The following ATG2B variants were observed in gnomAD, a reference collection of about 807,000 sequenced individuals.
The protein encoded by ATG2B is autophagy-related protein 2 homolog B.
A neutral mutation model predicts 241.3 loss-of-function variants in ATG2B; 121 were observed. The observed-to-expected ratio is 0.50, with a 90% confidence interval of 0.43 to 0.58. The LOEUF is 0.58. Ranked by LOEUF, ATG2B falls within the 20% of genes least tolerant of loss-of-function variation. The probability of loss-of-function intolerance (pLI) is 0.00; values close to 1 mark genes in which losing one functional copy is unlikely to be tolerated. For synonymous variants in ATG2B, 858 were observed against 876.6 expected, an observed-to-expected ratio of 0.98 and a Z score of 0.37; for missense variants, 2,306 against 2,491.6, an observed-to-expected ratio of 0.93 and a Z score of 1.59.
chr14:96,340,855 C>T (rs1453289495), intron 6 of ATG2B, among the ~76,000 whole-genome samples: 2 of 148,288 alleles, frequency 1.3e-5, no homozygotes, highest in Non-Finnish European at 3.0e-5. Flanking sequence ...GAAGTCGAGG[C>T]TGCAGTGAGC....
Position 96,281,228 on chromosome 14 carries a change from C to T in ATG2B, c.*4527G>A, listed in dbSNP as rs1304675112. 1.3e-5 allele frequency: 2 copies of T among 152,152 alleles called. No individual in the cohort carries two copies. Among genetic ancestry groups the T allele is most frequent in the Non-Finnish European group, 2.9e-5 (2 of 68,024 alleles). 9.4% of individuals were successfully genotyped at this position (152,152 alleles called of 1,614,324 possible). On this transcript the variant is annotated 3_prime_UTR_variant, in exon 42 of 42. Coordinates refer to ENST00000359933, the MANE Select transcript of ATG2B (RefSeq NM_018036.7). ...TTTTACACAAGTTTTGGGAACACTT[C>T]TTGGTGAAAGACAAGTGTTTAAAGC...
rs1340170420 is a variant in ATG2B at position 96,289,313 on chromosome 14, T to G, written c.6006+343A>C. 5.7e-6 allele frequency: 1 copy of G among 174,604 alleles called. No individual in the cohort carries two copies. Among genetic ancestry groups the G allele is most frequent in the East Asian group, 1.6e-4 (1 of 6,254 alleles). The allele number at this position is 174,604 out of a possible 1,614,324, so 10.8% of individuals were successfully genotyped here. ...GGTGGGAGATTCATCTGAAAAGTTC[T>G]AGTTCTTAAGCAAATCTGAGGTAAG... On this transcript the variant is annotated intron_variant, in intron 41 of 41. Coordinates refer to ENST00000359933, the MANE Select transcript of ATG2B (RefSeq NM_018036.7). The surrounding 1 kb of genome is among the most constrained non-coding windows in gnomAD (Gnocchi z 4.3).
At chr14:96,339,786 C>T (rs1316686340) in intron 6 of ATG2B, among the ~76,000 whole-genome samples, 1 of 151,806 alleles carries the variant, frequency 6.6e-6, no homozygotes, top group Non-Finnish European at 1.5e-5. Context: ...GTACACTGCT[C>T]AGGTGACAAG....
chr14:96,303,300 C>T (rs752199524), intron 32 of ATG2B, 45 bp from the exon 33 acceptor site: 2 of 1,370,256 alleles, frequency 1.5e-6, no homozygotes, highest in African/African-American at 3.0e-5. Context: ...CTTTACATTC[C>T]TTTTATTAAA....
chr14:96,333,473 C>A (rs534154056), intron 8 of ATG2B, among the ~76,000 whole-genome samples: 2 of 152,156 alleles, frequency 1.3e-5, no homozygotes, highest in African/African-American at 4.8e-5. Context: ...ACTACACAAT[C>A]AAAATCAAAA....
intron 1 of ATG2B, among the ~76,000 whole-genome samples, chr14:96,355,855 C>G (rs887436032): frequency 6.6e-6 from 1 of 151,988 alleles, no homozygotes; most frequent in South Asian, 2.1e-4. Context: ...GAATTCAAAT[C>G]GAGATAAGAC....
chr14:96,332,634 A>T lies in ATG2B; in HGVS notation c.1229T>A (p.Met410Lys), dbSNP rs773731064. 13 of 1,575,188 alleles carry T rather than the reference A, an allele frequency of 8.3e-6. No homozygotes were observed. Among genetic ancestry groups the T allele is most frequent in the Non-Finnish European group, 1.0e-5 (12 of 1,167,602 alleles). Residue 410 changes from methionine (M) to lysine (K), a missense_variant, in exon 9 of 42, where the codon ATG becomes AAG. By Grantham distance (95) the Met-to-Lys change is moderately conservative (BLOSUM62 -1). Transcript: ENST00000359933. ...ACTATGAGACATGTCCATATCAGCC[A>T]TGGAGAAGAATACTTCTTCTTCTAG... The part of the protein sequence containing the change: ...SSREEEVFFS[M>K]ADMDMSHSLS...
At chr14:96,359,877 T>C (rs930741211) in intron 1 of ATG2B, among the ~76,000 whole-genome samples, 5 of 152,186 alleles carry the variant, frequency 3.3e-5, no homozygotes, top group Non-Finnish European at 5.9e-5. Context: ...TTTCCAAATT[T>C]AGATTGAAAA....
Position 96,347,351 on chromosome 14 carries a change from A to T in ATG2B, c.163-10T>A, listed in dbSNP as rs772182049. On this transcript the variant is annotated splice_polypyrimidine_tract_variant and intron_variant, in intron 1 of 41. Coordinates refer to ENST00000359933, the MANE Select transcript of ATG2B (RefSeq NM_018036.7). ...AGATCTCATTGAGACACTAAGGAGA[A>T]AAAACAGGTTCATTATGAATCACAA... is the stretch of plus-strand genomic sequence containing the variant. The T allele has an allele frequency of 3.9e-6, 6 of 1,543,552 alleles. No homozygotes were observed. The highest frequency in any genetic ancestry group is 5.3e-6 in the Non-Finnish European group (6 of 1,131,906).
In ATG2B at chr14:96,336,611, A is replaced by T. The variant is rs1403231812; in HGVS notation, c.925-2110T>A. Among the ~76,000 whole-genome samples the T allele has an allele frequency of 2.0e-5, 3 of 152,240 alleles. No individual in the cohort carries two copies. The East Asian group carries it at 5.8e-4, about 29-fold the overall frequency. ...TACAAATCAACACATCATGTACAAAAGTTTGGGTTTACATAAATATAAAAG... is the reference window on the plus strand; with the variant it reads ...TACAAATCAACACATCATGTACAAATGTTTGGGTTTACATAAATATAAAAG... On this transcript the variant is annotated intron_variant, in intron 6 of 41. Transcript: ENST00000359933.
chr14:96,360,833 C>G (rs765330602), intron 1 of ATG2B, among the ~76,000 whole-genome samples: 12 of 148,576 alleles, frequency 8.1e-5, no homozygotes, highest in Non-Finnish European at 1.6e-4. Context: ...ATGGCTCATG[C>G]CTGTAATCTG....
intron 1 of ATG2B, among the ~76,000 whole-genome samples, chr14:96,362,266 T>A (rs984424348): frequency 6.6e-6 from 1 of 152,114 alleles, no homozygotes; most frequent in African/African-American, 2.4e-5. Flanking sequence ...CTTGTAAACA[T>A]ATAATCAAGC....
intron 1 of ATG2B, among the ~76,000 whole-genome samples, chr14:96,357,465 C>T (rs918577726): frequency 4.6e-5 from 7 of 152,128 alleles, no homozygotes; most frequent in Admixed American, 4.6e-4. Flanking sequence ...AGCTTCTCTA[C>T]CTGGATCTAA....
intron 1 of ATG2B, among the ~76,000 whole-genome samples, chr14:96,353,483 A>C (rs929593366): frequency 2.6e-5 from 4 of 151,974 alleles, no homozygotes; most frequent in African/African-American, 9.7e-5. Flanking sequence ...AAAATTAGCC[A>C]GGCATGGTGA....
chr14:96,337,843 G>A (rs906334315), intron 6 of ATG2B, among the ~76,000 whole-genome samples: 2 of 152,026 alleles, frequency 1.3e-5, no homozygotes. Context: ...GAATTGCATT[G>A]AATATGTGGA....
In ATG2B at chr14:96,282,064, T is replaced by C. The variant is rs1886213685; in HGVS notation, c.*3691A>G. Reference sequence around the variant, plus strand: ...TGTGCCTAGCATGATCCTGAAATGTTGAGATAAAAAGAAGTTGGCATTAAA... The same window carrying C: ...TGTGCCTAGCATGATCCTGAAATGTCGAGATAAAAAGAAGTTGGCATTAAA... On this transcript the variant is annotated 3_prime_UTR_variant, in exon 42 of 42. Transcript: ENST00000359933. 6.6e-6 allele frequency: 1 copy of C among 152,224 alleles called. No individual in the cohort carries two copies. Among genetic ancestry groups the C allele is most frequent in the South Asian group, 2.1e-4 (1 of 4,832 alleles). The allele number at this position is 152,224 out of a possible 1,614,324, so 9.4% of individuals were successfully genotyped here.
At chr14:96,333,976 C>A in intron 7 of ATG2B, 103 bp from the exon 8 acceptor site, 1 of 952,270 alleles carries the variant, frequency 1.1e-6, no homozygotes. Flanking sequence ...CAACTTAACA[C>A]CACAGTGCAA....
rs934559546 is a variant in ATG2B at position 96,289,955 on chromosome 14, C to A, written c.5857-150G>T. ...TTCTGCGTATCTGAATTCTTTACCA[C>A]AAGAATTGATGACTTTTATAACGAG... On this transcript the variant is annotated intron_variant, in intron 40 of 41. Coordinates refer to ENST00000359933, the MANE Select transcript of ATG2B (RefSeq NM_018036.7). This position sits in a 1 kb window ranked among gnomAD's most constrained non-coding sequence, Gnocchi z 4.3. The A allele has an allele frequency of 1.1e-6, 1 of 899,266 alleles. No homozygotes were observed. The highest frequency in any genetic ancestry group is 1.6e-6 in the Non-Finnish European group (1 of 611,580). 55.7% of individuals were successfully genotyped at this position (899,266 alleles called of 1,614,324 possible). A position where few individuals can be genotyped will look rare whatever the true frequency, so the allele number is the denominator to read the frequency against.
At chr14:96,318,913 T>A (rs1429608827) in intron 18 of ATG2B, among the ~76,000 whole-genome samples, 3 of 152,222 alleles carry the variant, frequency 2.0e-5, no homozygotes, top group Non-Finnish European at 4.4e-5. Flanking sequence ...CTTTTTAGAC[T>A]GCAAGCCGCC....
Sources: gnomAD v4.1 joint callset for allele counts (sites outside exome capture counted in the v4.1 genomes callset) on GRCh38, gnomAD v4.1.1 for gene constraint, Gnocchi (gnomAD v3.1) non-coding constraint, MANE v1.5 for transcripts, NCBI Gene and HGNC (gene_info 2026-07-23, HGNC 2026-07-21) for gene names.